Variants in PEX13 observed in about 807,000 individuals in gnomAD.
PEX13 encodes the protein peroxisome biogenesis factor 13.
In PEX13, 28 loss-of-function variants were observed where a neutral mutation model predicts 34.5. The ratio of observed to expected loss-of-function variants is 0.81; its 90% CI spans 0.60 to 1.11. The LOEUF (loss-of-function observed/expected upper bound fraction) is 1.11, where lower values mean the gene tolerates loss of function less well. Among genes scored for constraint, PEX13 ranks in the 50% most tolerant of loss-of-function variants. PEX13 has a pLI of 0.00. For missense variants in PEX13, 550 were observed against 491.0 expected (o/e 1.12, Z -1.13); for synonymous variants, 177 against 175.1 (o/e 1.01, Z -0.09).
At position 61,032,081 on chromosome 2, in the gene PEX13, A is replaced by G. The variant is rs1230746411; in HGVS notation, c.755A>G (p.Lys252Arg). 1 of 1,613,664 alleles carries G rather than the reference A, an allele frequency of 6.2e-7. No homozygotes were observed. The highest frequency in any genetic ancestry group is 2.2e-5 in the East Asian group (1 of 44,902). ...CTTGGTGGTCCTTACCTCATTTGGAAACTATTGTCTACTCACAGTGATGAA... is the reference window on the plus strand; with the variant it reads ...CTTGGTGGTCCTTACCTCATTTGGAGACTATTGTCTACTCACAGTGATGAA... ...VILGGPYLIWKLLSTHSDEVT... is the reference protein window; with the variant it reads ...VILGGPYLIWRLLSTHSDEVT... The change falls in exon 2 of 4, where the codon AAA becomes AGA. Residue 252 changes from lysine (K) to arginine (R), a missense_variant. Lys to Arg is a conservative substitution (Grantham distance 26). Transcript: ENST00000295030.
intron 1 of PEX13, chr2:61,018,554 C>G: frequency 3.7e-6 from 1 of 272,954 alleles, no homozygotes. Context: ...GGGAGTGTTT[C>G]GTGGCCTCGT....
At position 61,031,487 on chromosome 2, in the gene PEX13, C is replaced by T; in HGVS notation, c.161C>T (p.Pro54Leu). Residue 54 changes from proline to leucine, a missense_variant, in exon 2 of 4, where the codon CCT becomes CTT. By Grantham distance (98) the Pro-to-Leu change is moderately conservative. Transcript: ENST00000295030. ...CCAGCACTTACCAGAGTGCCCCCAC[C>T]TATTCTTCCAAGGCCATCACAGCAG... ...GQPALTRVPP[P>L]ILPRPSQQTG... is the part of the protein sequence containing the mutation. The T allele has an allele frequency of 6.2e-7, 1 of 1,614,186 alleles. No homozygotes were observed. The highest frequency in any genetic ancestry group is 1.7e-5 in the Admixed American group (1 of 60,018).
chr2:61,038,639 A>C (rs1315670333), intron 2 of PEX13, among the ~76,000 whole-genome samples: 1 of 152,188 alleles, frequency 6.6e-6, no homozygotes, highest in Non-Finnish European at 1.5e-5. Context: ...ACAAATCCAC[A>C]CCTAATATCA....
chr2:61,049,113 A>G lies in PEX13; in HGVS notation c.*343A>G. 1 of 228,360 alleles carries G rather than the reference A, an allele frequency of 4.4e-6. No homozygotes were observed. The highest frequency in any genetic ancestry group is 6.9e-5 in the South Asian group (1 of 14,412). The allele number at this position is 228,360 out of a possible 1,614,324, so 14.1% of individuals were successfully genotyped here. ...GTTTGGTACAGTAGAGATCATTAAT[A>G]CTTTTAAAAGTTCTGCATTAATTGA... On this transcript the variant is annotated 3_prime_UTR_variant, in exon 4 of 4. Coordinates refer to ENST00000295030, the MANE Select transcript of PEX13 (RefSeq NM_002618.4).
intron 1 of PEX13, among the ~76,000 whole-genome samples, chr2:61,031,070 G>A (rs922697998): frequency 6.6e-6 from 1 of 152,122 alleles, no homozygotes; most frequent in African/African-American, 2.4e-5. Context: ...CAGATGGATC[G>A]TTTGAGCCCA....
At chr2:61,043,581 A>T (rs1264378529) in intron 2 of PEX13, among the ~76,000 whole-genome samples, 1 of 152,246 alleles carries the variant, frequency 6.6e-6, no homozygotes, top group Non-Finnish European at 1.5e-5. Context: ...GCCTAGTTGG[A>T]CAAAAGTTAC....
intron 1 of PEX13, among the ~76,000 whole-genome samples, chr2:61,019,694 A>G (rs561705561): frequency 2.6e-5 from 4 of 152,272 alleles, no homozygotes; most frequent in Non-Finnish European, 4.4e-5. Flanking sequence ...GGTTTCCTAA[A>G]TATGTAGTTC....
chr2:61,021,780 C>T lies in PEX13; in HGVS notation c.92+3929C>T, dbSNP rs182368307. ...ACACCTCCCAGTAGGGGCTGACAGA[C>T]ACCTCAAACAGGCAGGTGTCCCTCT... On this transcript the variant is annotated intron_variant, in intron 1 of 3. Transcript: ENST00000295030. Among the ~76,000 whole-genome samples, 5 of 152,282 alleles carry T rather than the reference C, an allele frequency of 3.3e-5. 1 individual carries two copies. Among genetic ancestry groups the T allele is most frequent in the South Asian group, 4.1e-4 (2 of 4,824 alleles).
In PEX13 at chr2:61,051,914, T is replaced by C. The variant is rs1311248385; in HGVS notation, c.*3144T>C. The C allele has an allele frequency of 1.3e-5, 2 of 152,344 alleles. No individual in the cohort carries two copies. Among genetic ancestry groups the C allele is most frequent in the Non-Finnish European group, 2.9e-5 (2 of 68,036 alleles). 9.4% of individuals were successfully genotyped at this position (152,344 alleles called of 1,614,324 possible). A position where few individuals can be genotyped will look rare whatever the true frequency, so the allele number is the denominator to read the frequency against. Reference sequence around the variant, plus strand: ...CTTTAATAGAAAAATGAACAGAAACTGAATGCAGTTAAATTTTTATTTTTA... The same window carrying C: ...CTTTAATAGAAAAATGAACAGAAACCGAATGCAGTTAAATTTTTATTTTTA... On this transcript the variant is annotated 3_prime_UTR_variant, in exon 4 of 4. Transcript: ENST00000295030.
intron 2 of PEX13, among the ~76,000 whole-genome samples, chr2:61,043,610 G>GT (rs1038566772): frequency 1.3e-5 from 2 of 152,158 alleles, no homozygotes; most frequent in Non-Finnish European, 2.9e-5. Context: ...TGAAAATACA[G>GT]TTTTTTTGTT....
At chr2:61,025,794 T>C (rs1182450001) in intron 1 of PEX13, among the ~76,000 whole-genome samples, 1 of 152,256 alleles carries the variant, frequency 6.6e-6, no homozygotes, top group Admixed American at 6.5e-5. Flanking sequence ...TAGAATCACT[T>C]TAATCCAATA....
At chr2:61,026,623 G>A (rs1044635558) in intron 1 of PEX13, among the ~76,000 whole-genome samples, 2 of 150,798 alleles carry the variant, frequency 1.3e-5, no homozygotes, top group South Asian at 4.2e-4. Flanking sequence ...TGGGATTGCA[G>A]ACATGAGCCA....
At chr2:61,039,659 A>G (rs1325405297) in intron 2 of PEX13, among the ~76,000 whole-genome samples, 2 of 152,148 alleles carry the variant, frequency 1.3e-5, no homozygotes, top group Non-Finnish European at 2.9e-5. Flanking sequence ...AGCCTAAGCA[A>G]CACCTTCAGG....
chr2:61,035,614 A>G (rs1246893711), intron 2 of PEX13, among the ~76,000 whole-genome samples: 1 of 152,224 alleles, frequency 6.6e-6, no homozygotes, highest in African/African-American at 2.4e-5. Flanking sequence ...TAAAGAGTGT[A>G]CAGAAGACCT....
At position 61,048,549 on chromosome 2, in the gene PEX13, G is replaced by T. The variant is rs1331167708; in HGVS notation, c.991G>T (p.Val331Phe). The change falls in exon 4 of 4, where the codon GTC (valine) becomes TTC (phenylalanine). Residue 331 changes from valine to phenylalanine, a missense_variant. Val to Phe is a conservative substitution (Grantham distance 50). Transcript: ENST00000295030. ...AACAGGACTTATACCTGCGAATTAT[G>T]TCAAAATTCTTGGCAAAAGAAAAGG... Reference protein sequence around the residue: ...QTTGLIPANYVKILGKRKGRK... With the variant: ...QTTGLIPANYFKILGKRKGRK... 1.2e-6 allele frequency: 2 copies of T among 1,613,936 alleles called. No homozygotes were observed. The highest frequency in any genetic ancestry group is 1.3e-5 in the African/African-American group (1 of 74,916).
intron 1 of PEX13, among the ~76,000 whole-genome samples, chr2:61,026,868 CAT>C (rs767642792): frequency 7.2e-5 from 11 of 151,808 alleles, no homozygotes; most frequent in Non-Finnish European, 1.5e-4. Flanking sequence ...TTTATTTCTT[CAT>C]GTGTGTGGCA....
At chr2:61,042,872 TTAAAA>T (rs1245420839) in intron 2 of PEX13, among the ~76,000 whole-genome samples, 1 of 152,186 alleles carries the variant, frequency 6.6e-6, no homozygotes, top group Non-Finnish European at 1.5e-5. Context: ...CATGGCCAAC[TTAAAA>T]TAAGACAAAT....
In PEX13 at chr2:61,031,875, A is replaced by G. The variant is rs1227131546; in HGVS notation, c.549A>G (p.Ala183=). The change falls in exon 2 of 4, where the codon GCA becomes GCG. Residue 183 remains alanine, a synonymous_variant. Coordinates refer to ENST00000295030, the MANE Select transcript of PEX13 (RefSeq NM_002618.4). ...TTACAAAAGTGTTTTCAGCTTTTGC[A>G]TTGGTTAGGACTATACGGTATCTTT... The part of the protein sequence containing the change: ...IHFTKVFSAF[A]LVRTIRYLYR... The G allele has an allele frequency of 3.1e-6, 5 of 1,613,352 alleles. No individual in the cohort carries two copies. The highest frequency in any genetic ancestry group is 1.1e-5 in the South Asian group (1 of 91,062).
At chr2:61,038,775 G>T (rs1680574788) in intron 2 of PEX13, among the ~76,000 whole-genome samples, 1 of 152,160 alleles carries the variant, frequency 6.6e-6, no homozygotes, top group African/African-American at 2.4e-5. Context: ...GCAAGAGAAA[G>T]AAATAAAGGG....
Sources: allele counts gnomAD v4.1 joint callset (sites outside exome capture counted in the v4.1 genomes callset), GRCh38; gene constraint gnomAD v4.1.1; transcripts MANE v1.5; gene names NCBI Gene and HGNC (gene_info 2026-07-23, HGNC 2026-07-21).